The following AGAP1 variants were observed in gnomAD, a reference collection of about 807,000 sequenced individuals.
The protein encoded by AGAP1 is ArfGAP with GTPase domain, ankyrin repeat and PH domain 1.
In AGAP1, 29 loss-of-function variants were observed where a neutral mutation model predicts 105.3. The ratio of observed to expected loss-of-function variants is 0.28; its 90% CI spans 0.21 to 0.38. The LOEUF (loss-of-function observed/expected upper bound fraction) is 0.38, where lower values mean the gene tolerates loss of function less well. Among genes scored for constraint, AGAP1 ranks in the 10% least tolerant of loss-of-function variants. The probability of loss-of-function intolerance (pLI) is 1.00; values close to 1 mark genes in which losing one functional copy is unlikely to be tolerated. For synonymous variants in AGAP1, 509 were observed against 485.9 expected (o/e 1.05, Z -0.63); for missense variants, 998 against 1,165.1 (o/e 0.86, Z 2.09).
Position 236,097,454 on chromosome 2 carries a change from G to T in AGAP1, c.2115-22738G>T, listed in dbSNP as rs6431423. 3.0e-3 allele frequency among the ~76,000 whole-genome samples: 405 copies of T among 137,152 alleles called. 1 individual carries two copies. The highest frequency in any genetic ancestry group is 0.011 in the African/African-American group (379 of 35,030). 90.0% of individuals were successfully genotyped at this position (137,152 alleles called of 152,430 possible). On this transcript the variant is annotated intron_variant, in intron 16 of 17. Coordinates refer to ENST00000304032, the MANE Select transcript of AGAP1 (RefSeq NM_001037131.3). ...TGTCGCCAGGCTGGAGTGCAGTGGC[G>T]CGACCTTGGCTCACTGCAACCTTTG...
At chr2:235,811,099 G>A (rs553933987) in intron 9 of AGAP1, among the ~76,000 whole-genome samples, 3 of 152,250 alleles carry the variant, frequency 2.0e-5, no homozygotes, top group African/African-American at 7.2e-5. Context: ...GCAAATCGTG[G>A]GTGGCAGATG....
chr2:235,703,550 C>T (rs550091528), intron 1 of AGAP1, among the ~76,000 whole-genome samples: 1 of 142,360 alleles, frequency 7.0e-6, no homozygotes, highest in Admixed American at 7.0e-5. Context: ...CCCTCTTCTC[C>T]CCTCCCCCTC....
intron 1 of AGAP1, among the ~76,000 whole-genome samples, chr2:235,516,645 C>A (rs1056316379): frequency 6.6e-6 from 1 of 152,150 alleles, no homozygotes. Flanking sequence ...ATGTGTTTGT[C>A]GCCTCTGGCC....
At position 235,736,695 on chromosome 2, in the gene AGAP1, C is replaced by G. The variant is rs1049098073; in HGVS notation, c.311-4268C>G. ...CACAATGAGGCCCCATCTCATCTATCCAGGTGTGGCGGCACATGTCCGTGG... is the reference window on the plus strand; with the variant it reads ...CACAATGAGGCCCCATCTCATCTATGCAGGTGTGGCGGCACATGTCCGTGG... On this transcript the variant is annotated intron_variant, in intron 3 of 17. Coordinates refer to ENST00000304032, the MANE Select transcript of AGAP1 (RefSeq NM_001037131.3). This position sits in a 1 kb window ranked among gnomAD's most constrained non-coding sequence, Gnocchi z 5.5. Among the ~76,000 whole-genome samples, 1 of 152,088 alleles carries G rather than the reference C, an allele frequency of 6.6e-6. No homozygotes were observed. The highest frequency in any genetic ancestry group is 2.1e-4 in the South Asian group (1 of 4,824).
rs1310474584 is a variant in AGAP1 at position 235,740,858 on chromosome 2, G to A, written c.311-105G>A. 3.2e-5 allele frequency: 44 copies of A among 1,356,572 alleles called. No homozygotes were observed. The highest frequency in any genetic ancestry group is 4.3e-5 in the Non-Finnish European group (42 of 971,410). 84.0% of individuals were successfully genotyped at this position (1,356,572 alleles called of 1,614,324 possible). A position where few individuals can be genotyped will look rare whatever the true frequency, so the allele number is the denominator to read the frequency against. On this transcript the variant is annotated intron_variant, in intron 3 of 17. Coordinates refer to ENST00000304032, the MANE Select transcript of AGAP1 (RefSeq NM_001037131.3). This position sits in a 1 kb window ranked among gnomAD's most constrained non-coding sequence, Gnocchi z 5.7. ...CATCCTAAATACTCAGTTGCCTCCA[G>A]GGCGACAGCCTAGGGTGTATTTTTC...
chr2:235,902,880 G>A (rs1057151973), intron 10 of AGAP1, among the ~76,000 whole-genome samples: 6 of 152,130 alleles, frequency 3.9e-5, no homozygotes, highest in African/African-American at 1.4e-4. Context: ...TTTAAAAATC[G>A]GTAGCACTTC....
At chr2:236,102,367 G>A (rs1421886053) in intron 16 of AGAP1, among the ~76,000 whole-genome samples, 6 of 144,582 alleles carry the variant, frequency 4.1e-5, no homozygotes, top group Non-Finnish European at 7.4e-5. Flanking sequence ...GCATTGAGGC[G>A]AGATCATGCC....
At chr2:235,966,811 G>A (rs535474740) in intron 12 of AGAP1, among the ~76,000 whole-genome samples, 11 of 152,216 alleles carry the variant, frequency 7.2e-5, no homozygotes, top group South Asian at 6.2e-4. Context: ...TGACGCTTCC[G>A]ACTGTGCAGA....
chr2:235,758,080 TTTG>T (rs1375695691), intron 6 of AGAP1, among the ~76,000 whole-genome samples: 3 of 152,028 alleles, frequency 2.0e-5, no homozygotes, highest in Admixed American at 2.0e-4. Context: ...ATGATTTGTT[TTTG>T]TTGCTATTTT....
chr2:235,807,395 T>A (rs1957892029), intron 9 of AGAP1, 64 bp downstream of exon 9: 2 of 1,444,280 alleles, frequency 1.4e-6, no homozygotes, highest in African/African-American at 2.9e-5. Flanking sequence ...TTCCTGGAGA[T>A]GATGCTGGCT....
chr2:235,803,013 G>A (rs1575506639), intron 8 of AGAP1, among the ~76,000 whole-genome samples: 5 of 35,102 alleles, frequency 1.4e-4, no homozygotes, highest in East Asian at 7.2e-4. Context: ...GGTTGTGGTT[G>A]TGATGGTGGT....
chr2:235,598,418 T>A (rs1357925407), intron 1 of AGAP1, among the ~76,000 whole-genome samples: 1 of 152,208 alleles, frequency 6.6e-6, no homozygotes, highest in East Asian at 1.9e-4. Flanking sequence ...TTTGGTGATG[T>A]TTTTGTGACC....
chr2:235,518,613 G>A (rs1457993754), intron 1 of AGAP1, among the ~76,000 whole-genome samples: 2 of 152,318 alleles, frequency 1.3e-5, no homozygotes, highest in East Asian at 3.9e-4. Context: ...TGTCTCTTCA[G>A]CTGGTGTTTT....
chr2:235,929,741 C>G (rs1278182455), intron 11 of AGAP1, among the ~76,000 whole-genome samples: 2 of 152,138 alleles, frequency 1.3e-5, no homozygotes, highest in African/African-American at 2.4e-5. Flanking sequence ...AGCCCCATTC[C>G]CAGAGCTTCT....
intron 16 of AGAP1, among the ~76,000 whole-genome samples, chr2:236,065,616 T>TA (rs2058326164): frequency 6.6e-6 from 1 of 152,202 alleles, no homozygotes; most frequent in African/African-American, 2.4e-5. Context: ...GGAACGCTTT[T>TA]AAATGTGCAT....
At chr2:236,084,362 C>A (rs769047142) in intron 16 of AGAP1, among the ~76,000 whole-genome samples, 1 of 152,228 alleles carries the variant, frequency 6.6e-6, no homozygotes, top group African/African-American at 2.4e-5. Context: ...CATTCTGGAA[C>A]GAATGATAAG....
rs1318528574 is a variant in AGAP1 at position 236,036,673 on chromosome 2, G to A, written c.1758G>A (p.Gln586=). The A allele has an allele frequency of 1.4e-5, 23 of 1,614,114 alleles. No homozygotes were observed. Among genetic ancestry groups the A allele is most frequent in the Non-Finnish European group, 1.9e-5 (23 of 1,180,048 alleles). Residue 586 remains glutamine, a synonymous_variant, in exon 14 of 18, where the codon CAG becomes CAA. Coordinates refer to ENST00000304032, the MANE Select transcript of AGAP1 (RefSeq NM_001037131.3). This position sits in a 1 kb window ranked among gnomAD's most constrained non-coding sequence, Gnocchi z 5.7. ...CCTGGGTCCAAGCCATCGAGAGCCA[G>A]ATCCTGGCCAGCCTGCAGTCGTGCG... The part of the protein sequence containing the change: ...RDAWVQAIES[Q]ILASLQSCES...
rs965104116 is a variant in AGAP1, at chr2:235,982,444, A to G, written c.1645+13821A>G. Reference sequence around the variant, plus strand: ...GGTCATAGCTAGGAGGTCAGAAGGAAGGGGGGACGATTCATGCAATGAGGC... The same window carrying G: ...GGTCATAGCTAGGAGGTCAGAAGGAGGGGGGGACGATTCATGCAATGAGGC... On this transcript the variant is annotated intron_variant, in intron 13 of 17. Coordinates refer to ENST00000304032, the MANE Select transcript of AGAP1 (RefSeq NM_001037131.3). The surrounding 1 kb of genome is among the most constrained non-coding windows in gnomAD (Gnocchi z 4.9). Among the ~76,000 whole-genome samples the G allele has an allele frequency of 5.3e-5, 8 of 152,178 alleles. No individual in the cohort carries two copies. The highest frequency in any genetic ancestry group is 1.3e-4 in the Admixed American group (2 of 15,278).
rs186440289 is a variant in AGAP1 at position 235,897,732 on chromosome 2, G to A, written c.1156-11006G>A. On this transcript the variant is annotated intron_variant, in intron 10 of 17. Transcript: ENST00000304032. Reference sequence around the variant, plus strand: ...GTAAGTCACAGCCGAGGACTCAGTAGGAGAGGATGACTGTGGGGGGTCATG... The same window carrying A: ...GTAAGTCACAGCCGAGGACTCAGTAAGAGAGGATGACTGTGGGGGGTCATG... 5.9e-5 allele frequency among the ~76,000 whole-genome samples: 9 copies of A among 152,300 alleles called. No individual in the cohort carries two copies. In the East Asian group the frequency reaches 1.7e-3, roughly 29 times the overall value.
Sources: gnomAD v4.1 joint callset for allele counts (sites outside exome capture counted in the v4.1 genomes callset) on GRCh38, gnomAD v4.1.1 for gene constraint, Gnocchi (gnomAD v3.1) non-coding constraint, MANE v1.5 for transcripts, NCBI Gene and HGNC (gene_info 2026-07-23, HGNC 2026-07-21) for gene names.